The following ADAMTS6 variants were observed in gnomAD, a reference collection of about 807,000 sequenced individuals.
ADAMTS6 encodes A disintegrin and metalloproteinase with thrombospondin motifs 6.
Under a neutral mutation model 144.3 loss-of-function variants are expected in ADAMTS6, and 23 were observed. That is an observed-to-expected ratio of 0.16 (90% CI 0.11 to 0.23). The LOEUF (loss-of-function observed/expected upper bound fraction) is 0.23. Among genes scored for constraint, ADAMTS6 ranks in the 10% least tolerant of loss-of-function variants. ADAMTS6 has a pLI of 1.00. For synonymous variants in ADAMTS6, 444 were observed against 457.5 expected, an observed-to-expected ratio of 0.97 and a Z score of 0.38; for missense variants, 999 against 1,379.6, an observed-to-expected ratio of 0.72 and a Z score of 4.37.
chr5:65,367,692 C>T (rs1379507451), intron 7 of ADAMTS6, among the ~76,000 whole-genome samples: 2 of 152,070 alleles, frequency 1.3e-5, no homozygotes, highest in Admixed American at 6.5e-5. Flanking sequence ...GACTGCGTCA[C>T]GATCCAACTT....
chr5:65,286,084 T>C (rs1019161625), intron 11 of ADAMTS6, among the ~76,000 whole-genome samples: 4 of 152,202 alleles, frequency 2.6e-5, no homozygotes, highest in African/African-American at 9.7e-5. Context: ...TATACCGAAA[T>C]GTTATCACGG....
At chr5:65,209,026 T>C (rs1756311009) in intron 20 of ADAMTS6, among the ~76,000 whole-genome samples, 2 of 152,238 alleles carry the variant, frequency 1.3e-5, no homozygotes. Flanking sequence ...GTAACTCTGA[T>C]GTGTGCTTAA....
chr5:65,384,414 A>G (rs1371366608), intron 7 of ADAMTS6, among the ~76,000 whole-genome samples: 1 of 152,148 alleles, frequency 6.6e-6, no homozygotes, highest in Non-Finnish European at 1.5e-5. Flanking sequence ...CCAATATCCT[A>G]TTTCATCACT....
intron 10 of ADAMTS6, among the ~76,000 whole-genome samples, chr5:65,298,104 A>G (rs1743018607): frequency 6.6e-6 from 1 of 152,104 alleles, no homozygotes; most frequent in South Asian, 2.1e-4. Flanking sequence ...TGATTTTTAA[A>G]CTGCATTTTA....
At chr5:65,188,275 A>G in intron 21 of ADAMTS6, 55 bp from the exon 22 acceptor site, 1 of 1,581,050 alleles carries the variant, frequency 6.3e-7, no homozygotes, top group South Asian at 1.1e-5. Flanking sequence ...GCATCCAGAG[A>G]TTTTTAGCTA....
chr5:65,228,201 A>G (rs1757867246), intron 15 of ADAMTS6, among the ~76,000 whole-genome samples: 1 of 151,968 alleles, frequency 6.6e-6, no homozygotes, highest in Non-Finnish European at 1.5e-5. Flanking sequence ...TCATTTTTTT[A>G]TCATAATGCT....
intron 12 of ADAMTS6, among the ~76,000 whole-genome samples, chr5:65,268,673 A>G (rs1199879931): frequency 2.0e-5 from 3 of 152,206 alleles, no homozygotes; most frequent in Non-Finnish European, 2.9e-5. Context: ...CAATGGCTGT[A>G]ATAGCGATGT....
chr5:65,281,191 G>A (rs1762962867), intron 11 of ADAMTS6, among the ~76,000 whole-genome samples: 1 of 152,128 alleles, frequency 6.6e-6, no homozygotes. Context: ...ACTAGATGTA[G>A]ATTTGAATCA....
At chr5:65,272,928 CAAA>C (rs775273661) in intron 12 of ADAMTS6, among the ~76,000 whole-genome samples, 10 of 81,152 alleles carry the variant, frequency 1.2e-4, no homozygotes, top group Non-Finnish European at 1.8e-4. Context: ...GACCCTGTCT[CAAA>C]AAAAAAAAAA....
intron 7 of ADAMTS6, among the ~76,000 whole-genome samples, chr5:65,439,023 C>T (rs1340433305): frequency 6.6e-6 from 1 of 152,074 alleles, no homozygotes; most frequent in Non-Finnish European, 1.5e-5. Flanking sequence ...CAGAAGATGG[C>T]AGTCTTCTGA....
intron 6 of ADAMTS6, 95 bp downstream of exon 6, chr5:65,452,038 A>G: frequency 1.0e-6 from 1 of 996,134 alleles, no homozygotes. Context: ...TCCTAATAGA[A>G]GCAATAATAA....
chr5:65,276,014 C>T (rs966349293), intron 11 of ADAMTS6, among the ~76,000 whole-genome samples: 1 of 144,740 alleles, frequency 6.9e-6, no homozygotes, highest in East Asian at 2.0e-4. Flanking sequence ...CAAAACTAAG[C>T]GATGAAAGTT....
At chr5:65,464,524 G>C (rs868505454) in intron 3 of ADAMTS6, among the ~76,000 whole-genome samples, 9 of 152,276 alleles carry the variant, frequency 5.9e-5, no homozygotes, top group Middle Eastern at 6.8e-3. Context: ...AAAATTGAGA[G>C]AAATGTTAAA....
rs10073353 is a variant in ADAMTS6, at chr5:65,176,559, C to T, written c.2911-3551G>A. On this transcript the variant is annotated intron_variant, in intron 22 of 24. Transcript: ENST00000381055. ...TTGGCTAAAGTTAAAGGGGTATCAT[C>T]CAGTTTTTCTGTGAACTGGACATTA... Among the ~76,000 whole-genome samples the T allele has an allele frequency of 4.2e-3, 642 of 152,232 alleles. 9 individuals are homozygous for T. Among genetic ancestry groups the T allele is most frequent in the African/African-American group, 0.015 (625 of 41,554 alleles).
At chr5:65,195,614 T>G (rs1022047267) in intron 21 of ADAMTS6, among the ~76,000 whole-genome samples, 5 of 152,208 alleles carry the variant, frequency 3.3e-5, no homozygotes, top group Admixed American at 3.3e-4. Context: ...AAATGCACCT[T>G]GGTTTAAACG....
intron 7 of ADAMTS6, among the ~76,000 whole-genome samples, chr5:65,408,507 T>G (rs887435224): frequency 3.3e-5 from 5 of 152,136 alleles, no homozygotes; most frequent in African/African-American, 1.2e-4. Context: ...AGCAAGTCCT[T>G]AGAGCCATAC....
chr5:65,341,530 C>A (rs567889614), intron 7 of ADAMTS6, among the ~76,000 whole-genome samples: 1 of 151,872 alleles, frequency 6.6e-6, no homozygotes, highest in Non-Finnish European at 1.5e-5. Flanking sequence ...CAACAGACAC[C>A]ACAGAAACAT....
At chr5:65,187,874 G>T in intron 22 of ADAMTS6, 142 bp downstream of exon 22, 1 of 773,096 alleles carries the variant, frequency 1.3e-6, no homozygotes, top group Non-Finnish European at 2.0e-6. Context: ...CTGACAAGCA[G>T]CAATAAAATA....
intron 5 of ADAMTS6, 130 bp downstream of exon 5, chr5:65,452,577 C>G: frequency 1.1e-6 from 1 of 912,954 alleles, no homozygotes; most frequent in East Asian, 2.7e-5. Flanking sequence ...TGAAACATTA[C>G]TAGACCAATT....
Sources: gnomAD v4.1 joint callset for allele counts (sites outside exome capture counted in the v4.1 genomes callset) on GRCh38, gnomAD v4.1.1 for gene constraint, MANE v1.5 for transcripts, NCBI Gene and HGNC (gene_info 2026-07-23, HGNC 2026-07-21) for gene names.